Variants in GANAB observed in about 807,000 individuals in gnomAD.
GANAB encodes glucosidase II alpha subunit.
A neutral mutation model predicts 129.9 loss-of-function variants in GANAB; 35 were observed. That is an observed-to-expected ratio of 0.27 (90% CI 0.21 to 0.36). GANAB has a LOEUF of 0.36. GANAB is among the 10% of genes least tolerant of loss of function. GANAB has a pLI of 1.00. For synonymous variants in GANAB, 482 were observed against 451.8 expected (o/e 1.07, Z -0.85); for missense variants, 939 against 1,221.0 (o/e 0.77, Z 3.44).
At chr11:62,628,204 A>ATT (rs1943489238) in intron 17 of GANAB, among the ~76,000 whole-genome samples, 1 of 37,032 alleles carries the variant, frequency 2.7e-5, no homozygotes, top group Non-Finnish European at 4.8e-5. Flanking sequence ...TCTTCTCAAA[A>ATT]CTTTTTTTTT....
intron 4 of GANAB, among the ~76,000 whole-genome samples, chr11:62,638,578 AGGAGGAAGGAAGGAAGGAAGGAAG>A (rs1397184239): frequency 2.2e-5 from 3 of 139,330 alleles, no homozygotes; most frequent in African/African-American, 5.3e-5. Flanking sequence ...GGAAAAGGAA[AGGAGGAAGGAAGGAAGGAAGGAAG>A]GAAGGAAGGA....
At chr11:62,641,280 G>A (rs2134544915) in intron 1 of GANAB, among the ~76,000 whole-genome samples, 1 of 148,296 alleles carries the variant, frequency 6.7e-6, no homozygotes, top group South Asian at 2.1e-4. Flanking sequence ...GGAGGCAGAG[G>A]TTGCAGTGAG....
intron 14 of GANAB, 61 bp from the exon 15 acceptor site, chr11:62,629,745 G>C (rs1326603307): frequency 1.2e-6 from 2 of 1,605,234 alleles, no homozygotes; most frequent in East Asian, 2.2e-5. Flanking sequence ...TCTGGTGCAA[G>C]TTCCCTAGGC....
chr11:62,626,764 A>G, intron 20 of GANAB, 80 bp from the exon 21 acceptor site: 3 of 1,299,448 alleles, frequency 2.3e-6, no homozygotes, highest in African/African-American at 1.5e-5. Context: ...TTACTCATGT[A>G]TGCCCACATA....
At chr11:62,646,509 C>A (rs1944490933) in intron 1 of GANAB, 53 bp downstream of exon 1, 2 of 1,595,076 alleles carry the variant, frequency 1.3e-6, no homozygotes, top group Non-Finnish European at 1.7e-6. Context: ...TGGAATGGGA[C>A]TTGGGGGATC....
At chr11:62,646,480 A>C (rs1944489883) in intron 1 of GANAB, 82 bp downstream of exon 1, 6 of 1,485,262 alleles carry the variant, frequency 4.0e-6, no homozygotes, top group Non-Finnish European at 4.7e-6. Context: ...CAGAGTGTCA[A>C]GAGACACACA....
chr11:62,637,858 G>A (rs1177984796), intron 4 of GANAB, among the ~76,000 whole-genome samples: 4 of 150,078 alleles, frequency 2.7e-5, no homozygotes, highest in East Asian at 3.9e-4. Flanking sequence ...CGCAGATCAC[G>A]CCACTGTACT....
At chr11:62,643,743 G>C (rs181711935) in intron 1 of GANAB, among the ~76,000 whole-genome samples, 2 of 152,214 alleles carry the variant, frequency 1.3e-5, no homozygotes, top group Non-Finnish European at 2.9e-5. Context: ...TTGAGCCTGG[G>C]AGTCAGAGGT....
At position 62,629,846 on chromosome 11, in the gene GANAB, G is replaced by C; in HGVS notation, c.1705C>G (p.Arg569Gly). ...DAQHYGGWEH[R>G]DVHNIYGLYV... is the part of the protein sequence containing the mutation. ...AGGCCATAGATGTTATGCACATCCC[G>C]GTGCTCCCAGCCCCCATAATGCTGG... Residue 569 changes from arginine to glycine, a missense_variant, in exon 14 of 24, where the codon CGG becomes GGG. Physicochemically the swap from Arg to Gly is moderately radical, Grantham distance 125. Around this residue, in one of 5 missense-constraint regions of GANAB, gnomAD observed 147 missense variants for 282.4 expected, o/e 0.52. Transcript: ENST00000356638. The C allele has an allele frequency of 6.2e-7, 1 of 1,614,078 alleles. No homozygotes were observed. The highest frequency in any genetic ancestry group is 8.5e-7 in the Non-Finnish European group (1 of 1,179,992).
intron 5 of GANAB, chr11:62,633,947 A>G (rs1943815133): frequency 2.8e-6 from 1 of 351,940 alleles, no homozygotes; most frequent in Non-Finnish European, 5.2e-6. Context: ...GCCTCTACAG[A>G]CATACATAGG....
At chr11:62,628,263 CTAG>C (rs34861606) in intron 17 of GANAB, among the ~76,000 whole-genome samples, 91,446 of 143,166 alleles carry the variant, frequency 0.64, 29,393 homozygotes, top group East Asian at 0.93. Context: ...GTCACCCAGG[CTAG>C]AATGCAGCAG....
chr11:62,642,711 C>G (rs914132675), intron 1 of GANAB, among the ~76,000 whole-genome samples: 1 of 152,030 alleles, frequency 6.6e-6, no homozygotes, highest in Non-Finnish European at 1.5e-5. Flanking sequence ...GGATTACAGG[C>G]GTTGTGTCAT....
At position 62,630,454 on chromosome 11, in the gene GANAB, G is replaced by C. The variant is rs1416564593; in HGVS notation, c.1438C>G (p.His480Asp). The C allele has an allele frequency of 1.9e-6, 3 of 1,614,016 alleles. No individual in the cohort carries two copies. The highest frequency in any genetic ancestry group is 1.3e-5 in the African/African-American group (1 of 74,932). Residue 480 changes from histidine (H) to aspartate (D), a missense_variant, in exon 12 of 24, where the codon CAC becomes GAC. Coordinates refer to ENST00000356638, the MANE Select transcript of GANAB (RefSeq NM_198334.3). ...AGCCCCAGGTTCCGCAGCTCCTCGT[G>C]AACTCGGTAGCCGGAGTCCACCTTG... ...HIKVDSGYRV[H>D]EELRNLGLYV...
rs1334650684 is a variant in GANAB at position 62,625,486 on chromosome 11, A to C, written c.*329T>G. ...GAATGGATAGACTCTGGGGGAGTTC[A>C]GGGCTCCTAAATAAGGGAAAGAGAA... On this transcript the variant is annotated 3_prime_UTR_variant, in exon 24 of 24. Transcript: ENST00000356638. 1 of 409,746 alleles carries C rather than the reference A, an allele frequency of 2.4e-6. No individual in the cohort carries two copies. Among genetic ancestry groups the C allele is most frequent in the Non-Finnish European group, 4.6e-6 (1 of 216,172 alleles). The allele number at this position is 409,746 out of a possible 1,614,324, so 25.4% of individuals were successfully genotyped here. A position where few individuals can be genotyped will look rare whatever the true frequency, so the allele number is the denominator to read the frequency against.
intron 3 of GANAB, 80 bp downstream of exon 3, chr11:62,639,279 T>C: frequency 8.0e-7 from 1 of 1,254,174 alleles, no homozygotes. Context: ...GGACAAGATG[T>C]TGGCCACAAT....
chr11:62,634,667 C>T (rs1181241884), intron 5 of GANAB, 154 bp downstream of exon 5: 8 of 670,332 alleles, frequency 1.2e-5, no homozygotes, highest in South Asian at 1.8e-5. Flanking sequence ...AAACCGCACC[C>T]GGGTCTGGTT....
At chr11:62,638,580 GAGGAAGGAAGGAAGGA>G (rs71056537) in intron 4 of GANAB, among the ~76,000 whole-genome samples, 5,846 of 144,050 alleles carry the variant, frequency 0.041, 219 homozygotes, top group East Asian at 0.099. Flanking sequence ...AAAAGGAAAG[GAGGAAGGAAGGAAGGA>G]AGGAAGGAAG....
chr11:62,632,644 T>C lies in GANAB; in HGVS notation c.917A>G (p.Asn306Ser), dbSNP rs138726440. The C allele has an allele frequency of 4.3e-3, 6,965 of 1,613,726 alleles. 27 individuals carry two copies. Among genetic ancestry groups the C allele is most frequent in the Non-Finnish European group, 4.7e-3 (5,515 of 1,179,702 alleles). Residue 306 changes from asparagine (N) to serine (S), a missense_variant, in exon 9 of 24, where the codon AAC becomes AGC. Asn to Ser is a conservative substitution (Grantham distance 46). This residue lies in a region of GANAB where 220 missense variants were observed against 295.9 expected (regional missense o/e 0.74). Transcript: ENST00000356638. ...YGSVPVLLAH[N>S]PHRDLGIFWL... ...GAAGATGCCCAAGTCGCGATGAGGG[T>C]TGTGTGCCAGGAGCACAGGCACAGA...
chr11:62,630,578 C>G, intron 11 of GANAB, 23 bp downstream of exon 11: 2 of 1,611,194 alleles, frequency 1.2e-6, no homozygotes, highest in Non-Finnish European at 1.7e-6. Flanking sequence ...CTGAGAAGAC[C>G]AAGCGTGACT....
Sources: gnomAD v4.1 joint callset for allele counts (sites outside exome capture counted in the v4.1 genomes callset) on GRCh38, gnomAD v4.1.1 for gene constraint, gnomAD v4.1.1 regional missense constraint, MANE v1.5 for transcripts, NCBI Gene and HGNC (gene_info 2026-07-23, HGNC 2026-07-21) for gene names.